NVL: variants seen among roughly 807,000 people sequenced by gnomAD.
NVL encodes the protein nuclear VCP like.
In NVL, 84 loss-of-function variants were observed where a neutral mutation model predicts 110.2. The ratio of observed to expected loss-of-function variants is 0.76; its 90% CI spans 0.64 to 0.91. The LOEUF (loss-of-function observed/expected upper bound fraction) is 0.91. NVL is among the 40% of genes least tolerant of loss of function. The pLI is 0.00. For missense variants in NVL, 882 were observed against 1,035.9 expected, an observed-to-expected ratio of 0.85 and a Z score of 2.04; for synonymous variants, 354 against 361.1, an observed-to-expected ratio of 0.98 and a Z score of 0.22.
intron 1 of NVL, among the ~76,000 whole-genome samples, chr1:224,327,755 A>T (rs944961944): frequency 2.0e-5 from 3 of 151,272 alleles, no homozygotes; most frequent in South Asian, 2.1e-4. Context: ...AAAAGAGTCA[A>T]GTGTGAGGAC....
At chr1:224,251,133 G>A (rs2102759995) in intron 18 of NVL, among the ~76,000 whole-genome samples, 1 of 151,692 alleles carries the variant, frequency 6.6e-6, no homozygotes, top group African/African-American at 2.4e-5. Context: ...AATTAGCCAG[G>A]TGTGATGGCA....
chr1:224,269,754 C>CTTTTTTTTTTT (rs551044969), intron 17 of NVL: 1 of 143,986 alleles, frequency 6.9e-6, no homozygotes, highest in Non-Finnish European at 1.5e-5. Context: ...TTTCTTTTTT[C>CTTTTTTTTTTT]TTTTTTTTTT....
intron 18 of NVL, among the ~76,000 whole-genome samples, chr1:224,255,025 C>T (rs1663027680): frequency 1.3e-5 from 2 of 151,032 alleles, no homozygotes; most frequent in African/African-American, 2.4e-5. Flanking sequence ...GCATGCACCA[C>T]CACACTCAGC....
chr1:224,321,299 T>C (rs1226661436), intron 2 of NVL, among the ~76,000 whole-genome samples: 2 of 152,020 alleles, frequency 1.3e-5, no homozygotes, highest in African/African-American at 4.8e-5. Context: ...AAGAAAGACG[T>C]AAAAGCGATT....
chr1:224,282,270 A>G (rs1262446182), intron 15 of NVL, among the ~76,000 whole-genome samples: 2 of 152,036 alleles, frequency 1.3e-5, no homozygotes, highest in Non-Finnish European at 2.9e-5. Context: ...GTTTTGCCAC[A>G]TTGCCCAGGC....
intron 18 of NVL, among the ~76,000 whole-genome samples, chr1:224,261,000 C>T (rs1412503368): frequency 6.6e-6 from 1 of 152,022 alleles, no homozygotes; most frequent in Non-Finnish European, 1.5e-5. Flanking sequence ...CTCAGCCTCC[C>T]GAGTAGCTGG....
At chr1:224,326,944 C>A (rs1322792610) in intron 1 of NVL, among the ~76,000 whole-genome samples, 2 of 152,070 alleles carry the variant, frequency 1.3e-5, no homozygotes, top group Non-Finnish European at 2.9e-5. Context: ...GAGTTTGAGA[C>A]CACCCTGGGC....
chr1:224,290,034 A>T (rs1667227336), intron 12 of NVL, among the ~76,000 whole-genome samples: 1 of 152,244 alleles, frequency 6.6e-6, no homozygotes, highest in African/African-American at 2.4e-5. Flanking sequence ...GGGAAATAAG[A>T]TAAATAACTT....
At chr1:224,238,276 G>A (rs1392200534) in intron 19 of NVL, among the ~76,000 whole-genome samples, 1 of 152,096 alleles carries the variant, frequency 6.6e-6, no homozygotes, top group African/African-American at 2.4e-5. Context: ...CAAGCGATCT[G>A]CCCGCCTTGG....
chr1:224,326,459 A>C lies in NVL; in HGVS notation c.63T>G (p.Leu21=). The C allele has an allele frequency of 6.2e-7, 1 of 1,607,484 alleles. No homozygotes were observed. The highest frequency in any genetic ancestry group is 8.5e-7 in the Non-Finnish European group (1 of 1,175,310). The change falls in exon 2 of 23, where the codon CTT becomes CTG. Residue 21 remains leucine, a synonymous_variant. Transcript: ENST00000281701. ...NKLKQRVIQY[L]TSNKCGKYVD... ...CATATTTGCCACATTTGTTACTGGT[A>C]AGGTACTAAAACAGAAAATATAACA... is the stretch of plus-strand genomic sequence containing the variant.
At chr1:224,263,229 G>A (rs141363192) in intron 18 of NVL, among the ~76,000 whole-genome samples, 165 of 152,284 alleles carry the variant, frequency 1.1e-3, no homozygotes, top group African/African-American at 3.8e-3. Flanking sequence ...TACAACTGGA[G>A]ATGAGATTTG....
intron 18 of NVL, among the ~76,000 whole-genome samples, chr1:224,250,651 T>C (rs1206654134): frequency 6.6e-6 from 1 of 152,148 alleles, no homozygotes; most frequent in Non-Finnish European, 1.5e-5. Context: ...GAGATTTTGG[T>C]GCACCCATCA....
chr1:224,253,669 G>C (rs1390437574), intron 18 of NVL, among the ~76,000 whole-genome samples: 22 of 147,570 alleles, frequency 1.5e-4, no homozygotes, highest in Non-Finnish European at 3.1e-4. Flanking sequence ...GGAGGCGGAG[G>C]TTGCAGTGAG....
intron 9 of NVL, among the ~76,000 whole-genome samples, chr1:224,301,106 CAA>C (rs567496040): frequency 2.3e-5 from 3 of 127,814 alleles, no homozygotes; most frequent in African/African-American, 2.9e-5. Flanking sequence ...AACTCCATCT[CAA>C]AAAAAAAAAA....
At chr1:224,321,897 T>C (rs1670686885) in intron 2 of NVL, among the ~76,000 whole-genome samples, 2 of 152,092 alleles carry the variant, frequency 1.3e-5, no homozygotes, top group South Asian at 4.1e-4. Flanking sequence ...TCTTGGTGAC[T>C]TATTATAGAC....
chr1:224,244,488 T>G (rs568180990), intron 19 of NVL, among the ~76,000 whole-genome samples: 30 of 152,282 alleles, frequency 2.0e-4, no homozygotes, highest in African/African-American at 6.7e-4. Flanking sequence ...TCTTTTTTAT[T>G]TGAGGTGGAG....
At position 224,328,466 on chromosome 1, in the gene NVL, G is replaced by A. The variant is rs563166849; in HGVS notation, c.57+1605C>T. 1.7e-4 allele frequency among the ~76,000 whole-genome samples: 7 copies of A among 41,860 alleles called. No individual in the cohort carries two copies. In the East Asian group the frequency reaches 3.2e-3, roughly 19 times the overall value. 27.5% of individuals were successfully genotyped at this position (41,860 alleles called of 152,430 possible). A position where few individuals can be genotyped will look rare whatever the true frequency, so the allele number is the denominator to read the frequency against. On this transcript the variant is annotated intron_variant, in intron 1 of 22. Transcript: ENST00000281701. ...ACCCAGGAGGCAGAGGTTGCAGTGA[G>A]CAGAAAAAAAAAAAAAAATTAGATG...
intron 2 of NVL, among the ~76,000 whole-genome samples, chr1:224,324,297 T>C (rs114974657): frequency 0.059 from 9,054 of 152,294 alleles, 848 homozygotes; most frequent in African/African-American, 0.2. Flanking sequence ...CACTGTTATA[T>C]AGCACATGCC....
intron 18 of NVL, among the ~76,000 whole-genome samples, chr1:224,265,620 T>C (rs1288865083): frequency 6.6e-6 from 1 of 152,242 alleles, no homozygotes; most frequent in Non-Finnish European, 1.5e-5. Flanking sequence ...TTTGAACGTA[T>C]TCCCCAAATT....
Sources: gnomAD v4.1 joint callset for allele counts (sites outside exome capture counted in the v4.1 genomes callset) on GRCh38, gnomAD v4.1.1 for gene constraint, MANE v1.5 for transcripts, NCBI Gene and HGNC (gene_info 2026-07-23, HGNC 2026-07-21) for gene names.